MAEA: variants seen among roughly 807,000 people sequenced by gnomAD.
MAEA encodes E3 ubiquitin-protein transferase MAEA.
MAEA carries 22 observed loss-of-function variants against 46.2 expected under a neutral mutation model. The ratio of observed to expected loss-of-function variants is 0.48; its 90% CI spans 0.34 to 0.68. The LOEUF is 0.68. Ranked by LOEUF, MAEA falls within the 30% of genes least tolerant of loss-of-function variation. The pLI is 0.01. For synonymous variants in MAEA, 246 were observed against 222.6 expected (o/e 1.11, Z -0.94); for missense variants, 393 against 558.1 (o/e 0.70, Z 2.98).
chr4:1,325,764 C>T (rs561044181), intron 4 of MAEA, among the ~76,000 whole-genome samples: 1 of 152,086 alleles, frequency 6.6e-6, no homozygotes, highest in Admixed American at 6.5e-5. Context: ...GAGTGCTGAC[C>T]GAAGTCTGCC....
chr4:1,338,782 G>A, intron 8 of MAEA, 165 bp downstream of exon 8: 1 of 788,516 alleles, frequency 1.3e-6, no homozygotes, highest in Non-Finnish European at 2.0e-6. Flanking sequence ...GTCGCCATCG[G>A]GACAGGGCTG....
At chr4:1,294,178 C>G (rs912587048) in intron 1 of MAEA, among the ~76,000 whole-genome samples, 1 of 152,218 alleles carries the variant, frequency 6.6e-6, no homozygotes, top group Non-Finnish European at 1.5e-5. Context: ...ATTCCTTCTG[C>G]CCAGAAGAGC....
chr4:1,318,332 A>T (rs968965497), intron 3 of MAEA, among the ~76,000 whole-genome samples: 4 of 152,184 alleles, frequency 2.6e-5, no homozygotes, highest in African/African-American at 9.7e-5. Context: ...GTTGGGGGAG[A>T]GAGACGTGAA....
At chr4:1,320,422 G>A (rs1463891187) in intron 3 of MAEA, among the ~76,000 whole-genome samples, 1 of 146,158 alleles carries the variant, frequency 6.8e-6, no homozygotes, top group East Asian at 2.1e-4. Flanking sequence ...CTGTGAAGGG[G>A]CTTTAGAAAG....
intron 1 of MAEA, among the ~76,000 whole-genome samples, chr4:1,301,326 A>C (rs904469819): frequency 6.6e-6 from 1 of 152,230 alleles, no homozygotes; most frequent in African/African-American, 2.4e-5. Context: ...TGCTTGCCAC[A>C]TTCTGTTTCA....
At chr4:1,303,232 C>CAAAAAAA (rs71168823) in intron 1 of MAEA, among the ~76,000 whole-genome samples, 57 of 65,674 alleles carry the variant, frequency 8.7e-4, no homozygotes, top group African/African-American at 2.9e-3. Context: ...ACTAAAAATA[C>CAAAAAAA]AAAAAAAAAA....
chr4:1,333,450 C>T lies in MAEA; in HGVS notation c.765+585C>T, dbSNP rs552588678. 1.6e-3 allele frequency among the ~76,000 whole-genome samples: 238 copies of T among 152,276 alleles called. 1 individual carries two copies. The highest frequency in any genetic ancestry group is 2.3e-3 in the Non-Finnish European group (159 of 68,002). On this transcript the variant is annotated intron_variant, in intron 6 of 8. Coordinates refer to ENST00000303400, the MANE Select transcript of MAEA (RefSeq NM_001017405.3). Reference sequence around the variant, plus strand: ...CCCCTGGTTCTCCTTTCTCTACAGCCCCTGAGTCAGGAGTTAGGCTGCACC... The same window carrying T: ...CCCCTGGTTCTCCTTTCTCTACAGCTCCTGAGTCAGGAGTTAGGCTGCACC...
intron 2 of MAEA, among the ~76,000 whole-genome samples, chr4:1,314,418 A>G (rs1230834291): frequency 6.6e-6 from 1 of 152,194 alleles, no homozygotes; most frequent in African/African-American, 2.4e-5. Context: ...TGCCTATAAC[A>G]GTTTAACAGT....
chr4:1,327,659 G>T lies in MAEA; in HGVS notation c.612G>T (p.Glu204Asp), dbSNP rs1209363147. 2.5e-6 allele frequency: 4 copies of T among 1,613,918 alleles called. No individual in the cohort carries two copies. Among genetic ancestry groups the T allele is most frequent in the Non-Finnish European group, 3.4e-6 (4 of 1,180,026 alleles). Residue 204 changes from glutamate to aspartate, a missense_variant, in exon 5 of 9, where the codon GAG becomes GAT. Physicochemically the swap from Glu to Asp is conservative, Grantham distance 45. Coordinates refer to ENST00000303400, the MANE Select transcript of MAEA (RefSeq NM_001017405.3). ...TGGAGTTCAGCCTCAGAATCCAGGA[G>T]TTCATTGAACTCATCCGGCAGAATA... is the stretch of plus-strand genomic sequence containing the variant. The part of the protein sequence containing the change: ...SCLEFSLRIQ[E>D]FIELIRQNKR...
chr4:1,334,774 GCAGAAGCCAC>G (rs1251587460), intron 6 of MAEA: 4 of 671,474 alleles, frequency 6.0e-6, no homozygotes, highest in Non-Finnish European at 7.4e-6. Context: ...TCAGAGAATG[GCAGAAGCCAC>G]CAGAAGCCCA....
At chr4:1,309,587 G>A in intron 1 of MAEA, 2 of 1,501,196 alleles carry the variant, frequency 1.3e-6, no homozygotes, top group Non-Finnish European at 1.8e-6. Context: ...GAGGAGCAGA[G>A]GCAGGGAGGT....
chr4:1,326,373 G>T lies in MAEA; in HGVS notation c.580-1254G>T, dbSNP rs1457965733. The stretch of plus-strand genomic sequence containing the variant: ...GCCTATATCCTGTTTCCGGGGTGAA[G>T]CCCTGAGAATGTCCTGAAACCACAC... On this transcript the variant is annotated intron_variant, in intron 4 of 8. Transcript: ENST00000303400. 2.0e-5 allele frequency among the ~76,000 whole-genome samples: 3 copies of T among 152,246 alleles called. No homozygotes were observed. The East Asian group carries it at 5.8e-4, about 29-fold the overall frequency.
intron 3 of MAEA, among the ~76,000 whole-genome samples, chr4:1,316,868 C>T (rs1415347967): frequency 3.3e-5 from 5 of 151,982 alleles, no homozygotes; most frequent in African/African-American, 1.2e-4. Context: ...GCCTCCCCCA[C>T]ACTCCTGTCA....
intron 5 of MAEA, chr4:1,330,894 G>A (rs1022729818): frequency 6.6e-5 from 10 of 152,270 alleles, no homozygotes; most frequent in African/African-American, 2.4e-4. Flanking sequence ...GACCTGGGGT[G>A]CGAGGTGAGG....
chr4:1,294,723 A>G (rs1181739942), intron 1 of MAEA, among the ~76,000 whole-genome samples: 1 of 151,028 alleles, frequency 6.6e-6, no homozygotes, highest in Admixed American at 6.6e-5. Flanking sequence ...GCATCAGCAC[A>G]AGCACACACA....
intron 1 of MAEA, among the ~76,000 whole-genome samples, chr4:1,292,546 G>A (rs879717590): frequency 1.3e-5 from 2 of 152,158 alleles, no homozygotes; most frequent in Middle Eastern, 3.2e-3. Context: ...CGTTTGGGCT[G>A]GAGGAGCCTT....
chr4:1,292,942 G>A (rs1425903369), intron 1 of MAEA, among the ~76,000 whole-genome samples: 1 of 146,024 alleles, frequency 6.8e-6, no homozygotes, highest in Non-Finnish European at 1.5e-5. Context: ...TGCCCAGGCT[G>A]GAGCGCGGTG....
At chr4:1,327,497 C>T (rs992262451) in intron 4 of MAEA, 130 bp from the exon 5 acceptor site, 5 of 742,368 alleles carry the variant, frequency 6.7e-6, no homozygotes, top group Middle Eastern at 3.5e-4. Flanking sequence ...CCCTGCCTTC[C>T]CCGTGCCTGT....
intron 1 of MAEA, among the ~76,000 whole-genome samples, chr4:1,303,932 C>G (rs190355720): frequency 0.013 from 342 of 26,714 alleles, 5 homozygotes; most frequent in African/African-American, 0.056. Context: ...CAGGGGGGTC[C>G]GGCAGGGCAG....
Sources: gnomAD v4.1 joint callset for allele counts (sites outside exome capture counted in the v4.1 genomes callset) on GRCh38, gnomAD v4.1.1 for gene constraint, MANE v1.5 for transcripts, NCBI Gene and HGNC (gene_info 2026-07-23, HGNC 2026-07-21) for gene names.